JARID2: variants seen among roughly 807,000 people sequenced by gnomAD.
JARID2 encodes the protein protein Jumonji.
JARID2 carries 21 observed loss-of-function variants against 125.6 expected under a neutral mutation model. The ratio of observed to expected loss-of-function variants is 0.17; its 90% CI spans 0.12 to 0.24. The LOEUF is 0.24. Ranked by LOEUF, JARID2 falls within the 10% of genes least tolerant of loss-of-function variation. The probability of loss-of-function intolerance (pLI) is 1.00; values close to 1 mark genes in which losing one functional copy is unlikely to be tolerated. For synonymous variants in JARID2, 736 were observed against 661.6 expected, an observed-to-expected ratio of 1.11 and a Z score of -1.73; for missense variants, 1,303 against 1,639.6, an observed-to-expected ratio of 0.79 and a Z score of 3.55.
intron 3 of JARID2, among the ~76,000 whole-genome samples, chr6:15,417,786 G>A (rs1253668182): frequency 3.3e-5 from 5 of 152,166 alleles, no homozygotes; most frequent in African/African-American, 1.2e-4. Flanking sequence ...AAATTCTCAT[G>A]TATAAATGGT....
At chr6:15,497,193 G>C (rs1422716863) in intron 7 of JARID2, 23 bp downstream of exon 7, 39 of 1,507,214 alleles carry the variant, frequency 2.6e-5, no homozygotes, top group Non-Finnish European at 3.4e-5. Flanking sequence ...GGGGGGTCAG[G>C]GGGTGGTGCC....
chr6:15,404,982 C>CTT (rs766218047), intron 2 of JARID2, among the ~76,000 whole-genome samples: 3 of 151,352 alleles, frequency 2.0e-5, no homozygotes, highest in Admixed American at 6.6e-5. Context: ...GCTCTAGTCC[C>CTT]TTTTTTTTTC....
intron 3 of JARID2, among the ~76,000 whole-genome samples, chr6:15,412,403 G>A (rs1765917585): frequency 1.3e-5 from 2 of 152,110 alleles, no homozygotes; most frequent in South Asian, 4.1e-4. Flanking sequence ...TTGCCTCTTG[G>A]GTTCAAGCGA....
intron 3 of JARID2, among the ~76,000 whole-genome samples, chr6:15,417,908 T>A (rs1581534020): frequency 6.6e-6 from 1 of 152,252 alleles, no homozygotes; most frequent in Non-Finnish European, 1.5e-5. Flanking sequence ...AGAGGGTTTT[T>A]AATTTACACA....
intron 4 of JARID2, among the ~76,000 whole-genome samples, chr6:15,466,053 C>T (rs1409896119): frequency 1.3e-5 from 2 of 152,212 alleles, no homozygotes; most frequent in Non-Finnish European, 2.9e-5. Context: ...CACCACCCGC[C>T]TTGGCTTCCC....
chr6:15,339,048 G>C (rs1297531066), intron 1 of JARID2, among the ~76,000 whole-genome samples: 1 of 152,170 alleles, frequency 6.6e-6, no homozygotes, highest in Non-Finnish European at 1.5e-5. Flanking sequence ...CAGCATCAGG[G>C]AAGGGGGCAA....
intron 4 of JARID2, among the ~76,000 whole-genome samples, chr6:15,455,473 C>T (rs1394302374): frequency 6.6e-6 from 1 of 152,136 alleles, no homozygotes; most frequent in Non-Finnish European, 1.5e-5. Flanking sequence ...ACTTATTCCT[C>T]CTATCTAACC....
chr6:15,519,989 C>G (rs1024007091), intron 17 of JARID2, 80 bp from the exon 18 acceptor site: 12 of 1,253,436 alleles, frequency 9.6e-6, no homozygotes, highest in African/African-American at 6.2e-5. Context: ...CTGCCCTAAA[C>G]TTGCCCCTGC....
At chr6:15,337,350 C>T (rs1451405257) in intron 1 of JARID2, among the ~76,000 whole-genome samples, 1 of 152,182 alleles carries the variant, frequency 6.6e-6, no homozygotes, top group Non-Finnish European at 1.5e-5. Flanking sequence ...CCTAGAGGTG[C>T]CATGTATGTG....
At chr6:15,330,778 T>C (rs1284984189) in intron 1 of JARID2, among the ~76,000 whole-genome samples, 2 of 152,220 alleles carry the variant, frequency 1.3e-5, no homozygotes, top group African/African-American at 4.8e-5. Flanking sequence ...AGGTATTGTT[T>C]AATACTGGGA....
At chr6:15,353,964 A>G (rs1763514236) in intron 1 of JARID2, among the ~76,000 whole-genome samples, 1 of 152,228 alleles carries the variant, frequency 6.6e-6, no homozygotes, top group Admixed American at 6.5e-5. Context: ...ACAGTTTAAG[A>G]TAACAGTCCC....
chr6:15,372,687 G>T (rs1764215599), intron 1 of JARID2, among the ~76,000 whole-genome samples: 1 of 151,694 alleles, frequency 6.6e-6, no homozygotes. Context: ...CAAAGTATCT[G>T]TATGCTTCCA....
At chr6:15,358,459 C>A (rs181766289) in intron 1 of JARID2, among the ~76,000 whole-genome samples, 39 of 152,292 alleles carry the variant, frequency 2.6e-4, no homozygotes, top group Middle Eastern at 3.4e-3. Flanking sequence ...TGGATTAGGA[C>A]TGAATTACCT....
intron 3 of JARID2, among the ~76,000 whole-genome samples, chr6:15,447,848 C>G (rs914337524): frequency 1.3e-5 from 2 of 152,220 alleles, no homozygotes; most frequent in Non-Finnish European, 2.9e-5. Context: ...GCTGCTCCTG[C>G]CATTAGCATC....
At chr6:15,500,152 G>A (rs572826726) in intron 7 of JARID2, among the ~76,000 whole-genome samples, 2 of 152,236 alleles carry the variant, frequency 1.3e-5, no homozygotes, top group South Asian at 2.1e-4. Flanking sequence ...CACTGGGCGC[G>A]CGTTAAAACC....
At chr6:15,246,636 G>GTGAA in intron 1 of JARID2, 52 bp downstream of exon 1, 1 of 1,419,008 alleles carries the variant, frequency 7.0e-7, no homozygotes, top group Non-Finnish European at 1.0e-6. Flanking sequence ...AGCAATGGCT[G>GTGAA]TGAATGTCAA....
intron 1 of JARID2, among the ~76,000 whole-genome samples, chr6:15,285,214 G>A (rs1420663152): frequency 2.7e-5 from 4 of 149,524 alleles, no homozygotes; most frequent in Non-Finnish European, 5.9e-5. Flanking sequence ...GGGTTCAAGC[G>A]ATTCTCTTGC....
chr6:15,468,772 C>T, intron 5 of JARID2, 54 bp downstream of exon 5: 1 of 1,535,558 alleles, frequency 6.5e-7, no homozygotes, highest in African/African-American at 1.4e-5. Flanking sequence ...TGGGTGAGAG[C>T]TGGAAGAGAG....
At chr6:15,495,942 G>A (rs1393265799) in intron 6 of JARID2, among the ~76,000 whole-genome samples, 190 bp from the exon 7 acceptor site, 1 of 152,216 alleles carries the variant, frequency 6.6e-6, no homozygotes, top group Non-Finnish European at 1.5e-5. Context: ...AGTGGACATC[G>A]CTGCTTAATT....
Sources: allele counts gnomAD v4.1 joint callset (sites outside exome capture counted in the v4.1 genomes callset), GRCh38; gene constraint gnomAD v4.1.1; transcripts MANE v1.5; gene names NCBI Gene and HGNC (gene_info 2026-07-23, HGNC 2026-07-21).